KIAA1217: variants seen among roughly 807,000 people sequenced by gnomAD.
KIAA1217 encodes sickle tail protein homolog.
KIAA1217 carries 88 observed loss-of-function variants against 163.9 expected under a neutral mutation model. That is an observed-to-expected ratio of 0.54 (90% CI 0.45 to 0.64). KIAA1217 has a LOEUF of 0.64. Ranked by LOEUF, KIAA1217 falls within the 30% of genes least tolerant of loss-of-function variation. KIAA1217 has a pLI of 0.00. For missense variants in KIAA1217, 2,372 were observed against 2,475.0 expected (o/e 0.96, Z 0.88); for synonymous variants, 903 against 923.1 (o/e 0.98, Z 0.39).
intron 2 of KIAA1217, among the ~76,000 whole-genome samples, chr10:24,254,503 TGGG>T (rs1201178641): frequency 6.6e-6 from 1 of 152,112 alleles, no homozygotes; most frequent in Non-Finnish European, 1.5e-5. Context: ...CATTAGGAAA[TGGG>T]GGGCATGTCC....
intron 2 of KIAA1217, among the ~76,000 whole-genome samples, chr10:24,120,842 T>C (rs148912747): frequency 1.3e-5 from 2 of 152,306 alleles, no homozygotes; most frequent in Non-Finnish European, 2.9e-5. Context: ...ATTCCAGTCA[T>C]ATCTGAACTG....
intron 9 of KIAA1217, among the ~76,000 whole-genome samples, chr10:24,502,546 A>T (rs1192921569): frequency 6.6e-6 from 1 of 152,122 alleles, no homozygotes; most frequent in Non-Finnish European, 1.5e-5. Context: ...GGAGGTAGAG[A>T]TGTGCATCTC....
chr10:24,270,318 G>A (rs1358853297), intron 2 of KIAA1217, among the ~76,000 whole-genome samples: 1 of 152,146 alleles, frequency 6.6e-6, no homozygotes, highest in Non-Finnish European at 1.5e-5. Flanking sequence ...GGTCATAGGT[G>A]GCTCATCTTC....
chr10:23,832,312 A>C lies in KIAA1217; in HGVS notation c.-321+137078A>C, dbSNP rs117876988. Among the ~76,000 whole-genome samples the C allele has an allele frequency of 1.2e-3, 180 of 152,304 alleles. 12 individuals carry two copies. The East Asian group carries it at 0.028, about 24-fold the overall frequency. ...GCAGATACCTCAGATGAAGAGGTGCATAGGGCAAGGTATGGAGGAAGGGTG... is the reference window on the plus strand; with the variant it reads ...GCAGATACCTCAGATGAAGAGGTGCCTAGGGCAAGGTATGGAGGAAGGGTG... On this transcript the variant is annotated intron_variant, in intron 1 of 18. Coordinates refer to the KIAA1217 transcript ENST00000376462.
intron 2 of KIAA1217, among the ~76,000 whole-genome samples, chr10:24,260,578 C>T (rs1293256978): frequency 8.1e-6 from 1 of 122,750 alleles, no homozygotes; most frequent in African/African-American, 3.2e-5. Context: ...TGTGAGACCT[C>T]ATCTCTACAA....
intron 1 of KIAA1217, among the ~76,000 whole-genome samples, chr10:23,758,647 CCCCT>C (rs935600587): frequency 7.9e-5 from 6 of 75,692 alleles, no homozygotes; most frequent in Non-Finnish European, 1.4e-4. Context: ...TCTCTCTCTC[CCCCT>C]CCCTCCCTCC....
chr10:23,855,387 G>A (rs1320281965), intron 1 of KIAA1217, among the ~76,000 whole-genome samples: 1 of 152,186 alleles, frequency 6.6e-6, no homozygotes, highest in Admixed American at 6.5e-5. Context: ...GAGATCCGCT[G>A]TTAGTCTGAT....
intron 1 of KIAA1217, among the ~76,000 whole-genome samples, chr10:23,758,826 A>G (rs1207694791): frequency 6.6e-6 from 1 of 150,630 alleles, no homozygotes. Flanking sequence ...AGCTGGGATT[A>G]CACGTGTGTG....
chr10:24,367,037 A>G (rs754906262), intron 2 of KIAA1217: 21 of 372,390 alleles, frequency 5.6e-5, no homozygotes, highest in Non-Finnish European at 7.1e-5. Flanking sequence ...TAGGTGGTCC[A>G]TTTGGTCAAC....
chr10:24,207,289 C>T (rs1436038462), upstream of KIAA1217, among the ~76,000 whole-genome samples: 1 of 144,720 alleles, frequency 6.9e-6, no homozygotes, highest in East Asian at 1.9e-4. Context: ...CTCTCACACA[C>T]ACACACACAC....
At chr10:23,911,996 T>C (rs963071971) in intron 1 of KIAA1217, among the ~76,000 whole-genome samples, 6 of 152,148 alleles carry the variant, frequency 3.9e-5, no homozygotes, top group Admixed American at 6.6e-5. Flanking sequence ...GCCACTTAGC[T>C]TACTAGGAGG....
chr10:23,874,741 A>G (rs1441566335), intron 1 of KIAA1217, among the ~76,000 whole-genome samples: 1 of 151,978 alleles, frequency 6.6e-6, no homozygotes, highest in Non-Finnish European at 1.5e-5. Context: ...AGAACAACTA[A>G]TCTTCACTAA....
intron 2 of KIAA1217, chr10:24,239,252 C>T (rs2072714880): frequency 1.0e-6 from 1 of 985,378 alleles, no homozygotes; most frequent in Middle Eastern, 5.2e-4. Context: ...GAAGGAAGAC[C>T]CTGGAGTCCG....
intron 3 of KIAA1217, among the ~76,000 whole-genome samples, chr10:24,400,590 C>T (rs11014081): frequency 0.012 from 1,837 of 152,264 alleles, 19 homozygotes; most frequent in Non-Finnish European, 0.015. Flanking sequence ...GAAGTGCAAT[C>T]CAACAATGGA....
chr10:24,440,502 G>C (rs540275836), intron 5 of KIAA1217, among the ~76,000 whole-genome samples: 29 of 152,292 alleles, frequency 1.9e-4, no homozygotes, highest in Non-Finnish European at 3.4e-4. Context: ...AAAGACACCT[G>C]TTTTAACCCT....
chr10:23,978,017 A>T (rs977339553), intron 1 of KIAA1217, among the ~76,000 whole-genome samples: 5 of 152,194 alleles, frequency 3.3e-5, no homozygotes, highest in African/African-American at 9.6e-5. Context: ...TTCCATTATC[A>T]CAGTACTCCC....
chr10:23,870,992 GGTTT>G (rs1398882708), intron 1 of KIAA1217, among the ~76,000 whole-genome samples: 1 of 151,822 alleles, frequency 6.6e-6, no homozygotes, highest in Admixed American at 6.6e-5. Context: ...TTTGAACTTA[GGTTT>G]GTTTTTTTTT....
intron 2 of KIAA1217, among the ~76,000 whole-genome samples, chr10:24,143,408 A>T (rs778458657): frequency 6.6e-6 from 1 of 152,118 alleles, no homozygotes; most frequent in Non-Finnish European, 1.5e-5. Flanking sequence ...CTAGGATTAC[A>T]GGCGTGTGCC....
chr10:23,735,561 T>G (rs1044301012), intron 1 of KIAA1217, among the ~76,000 whole-genome samples: 2 of 152,082 alleles, frequency 1.3e-5, no homozygotes, highest in African/African-American at 4.8e-5. Context: ...TCTTCTTGTA[T>G]GTTTATTTGC....
Sources: gnomAD v4.1 joint callset for allele counts (sites outside exome capture counted in the v4.1 genomes callset) on GRCh38, gnomAD v4.1.1 for gene constraint, MANE v1.5 for transcripts, NCBI Gene and HGNC (gene_info 2026-07-23, HGNC 2026-07-21) for gene names.